The following TRIM36 variants were observed in gnomAD, a reference collection of about 807,000 sequenced individuals.
The protein encoded by TRIM36 is tripartite motif containing 36.
Under a neutral mutation model 72.4 loss-of-function variants are expected in TRIM36, and 42 were observed. The observed-to-expected ratio is 0.58, with a 90% CI of 0.45 to 0.75. The LOEUF is 0.75. TRIM36 is among the 30% of genes least tolerant of loss of function. TRIM36 has a pLI of 0.00. For missense variants in TRIM36, 913 were observed against 857.1 expected, an observed-to-expected ratio of 1.07 and a Z score of -0.81; for synonymous variants, 315 against 282.8, an observed-to-expected ratio of 1.11 and a Z score of -1.14.
chr5:115,158,912 AAG>A (rs796535547), intron 2 of TRIM36, among the ~76,000 whole-genome samples: 6 of 152,376 alleles, frequency 3.9e-5, no homozygotes, highest in African/African-American at 1.4e-4. Context: ...ATGCAGAAGA[AAG>A]AGAGAAAGAC....
At chr5:115,162,994 G>T (rs1342894332) in intron 2 of TRIM36, among the ~76,000 whole-genome samples, 4 of 143,016 alleles carry the variant, frequency 2.8e-5, no homozygotes, top group African/African-American at 1.1e-4. Flanking sequence ...TTTCACTCTT[G>T]TTGCCCAGGC....
chr5:115,129,126 T>A (rs1427234173), intron 9 of TRIM36, among the ~76,000 whole-genome samples: 1 of 152,258 alleles, frequency 6.6e-6, no homozygotes, highest in Non-Finnish European at 1.5e-5. Context: ...GACCAAAGAC[T>A]GTTCCACATA....
chr5:115,172,905 C>T (rs967503174), upstream of TRIM36, among the ~76,000 whole-genome samples: 6 of 152,198 alleles, frequency 3.9e-5, no homozygotes, highest in Admixed American at 3.9e-4. Flanking sequence ...CAAGATTTAA[C>T]TCTTCACTCA....
In TRIM36 at chr5:115,147,073, G is replaced by T; in HGVS notation, c.584C>A (p.Pro195His). The T allele has an allele frequency of 6.2e-7, 1 of 1,609,196 alleles. No individual in the cohort carries two copies. Among genetic ancestry groups the T allele is most frequent in the Non-Finnish European group, 8.5e-7 (1 of 1,176,410 alleles). Residue 195 changes from proline to histidine, a missense_variant, in exon 3 of 10, where the codon CCC becomes CAC. Transcript: ENST00000513154. ...EYVGPTTNFRPKILMCPEHET... is the reference protein window; with the variant it reads ...EYVGPTTNFRHKILMCPEHET... ...CTTAATAAAAACTTCACTTACCTTGGGTCTGAAGTTAGTAGTTGGACCAAC... is the reference window on the plus strand; with the variant it reads ...CTTAATAAAAACTTCACTTACCTTGTGTCTGAAGTTAGTAGTTGGACCAAC...
At position 115,142,440 on chromosome 5, in the gene TRIM36, T is replaced by G. The variant is rs145574209; in HGVS notation, c.736-1066A>C. On this transcript the variant is annotated intron_variant, in intron 4 of 9. Coordinates refer to ENST00000513154, the MANE Select transcript of TRIM36 (RefSeq NM_001300759.2). ...TAAATTGAAGTAAGGCTTAGTTGTATGATAGCAGCTTACATTAGAACTACA... is the reference window on the plus strand; with the variant it reads ...TAAATTGAAGTAAGGCTTAGTTGTAGGATAGCAGCTTACATTAGAACTACA... Among the ~76,000 whole-genome samples the G allele has an allele frequency of 6.6e-4, 100 of 152,324 alleles. 1 individual carries two copies. The East Asian group carries it at 8.7e-3, about 13-fold the overall frequency.
At chr5:115,154,649 C>A (rs1754077768) in intron 2 of TRIM36, among the ~76,000 whole-genome samples, 1 of 152,136 alleles carries the variant, frequency 6.6e-6, no homozygotes, top group Non-Finnish European at 1.5e-5. Context: ...GAATTAGATA[C>A]TCTGAACAGA....
chr5:115,133,778 C>T, intron 8 of TRIM36, 82 bp downstream of exon 8: 1 of 1,399,410 alleles, frequency 7.1e-7, no homozygotes, highest in Non-Finnish European at 9.6e-7. Flanking sequence ...TGCAGGTCTA[C>T]ATGGAGATAC....
chr5:115,127,661 G>A (rs575168805), intron 9 of TRIM36, among the ~76,000 whole-genome samples: 43 of 152,306 alleles, frequency 2.8e-4, no homozygotes, highest in African/African-American at 9.6e-4. Context: ...GGTGATACTG[G>A]TGTAAACAGT....
At chr5:115,132,369 C>G (rs141439879) in intron 8 of TRIM36, among the ~76,000 whole-genome samples, 3,127 of 151,726 alleles carry the variant, frequency 0.021, 102 homozygotes, top group East Asian at 0.15. Flanking sequence ...CCTGGCTCTA[C>G]TAAAAATACA....
intron 1 of TRIM36, among the ~76,000 whole-genome samples, chr5:115,179,609 T>C (rs1486668392): frequency 4.6e-5 from 7 of 152,146 alleles, no homozygotes; most frequent in African/African-American, 1.7e-4. Context: ...CCACTCGAAG[T>C]CACCACGTTT....
At position 115,137,542 on chromosome 5, in the gene TRIM36, T is replaced by C; in HGVS notation, c.906A>G (p.Lys302=). 1.2e-6 allele frequency: 2 copies of C among 1,614,114 alleles called. No individual in the cohort carries two copies. The highest frequency in any genetic ancestry group is 1.7e-6 in the Non-Finnish European group (2 of 1,180,000). Residue 302 remains lysine, a synonymous_variant, in exon 6 of 10, where the codon AAA becomes AAG. Coordinates refer to ENST00000513154, the MANE Select transcript of TRIM36 (RefSeq NM_001300759.2). Reference sequence around the variant, plus strand: ...AGTCAATTGCTTTCAAAACAGATGATTTCCTCTCTTCCAGAACTTCAAAGA... The same window carrying C: ...AGTCAATTGCTTTCAAAACAGATGACTTCCTCTCTTCCAGAACTTCAAAGA... ...EKLFEVLEER[K]SSVLKAIDSS...
chr5:115,146,137 T>C (rs2112838364), intron 3 of TRIM36, among the ~76,000 whole-genome samples: 1 of 152,338 alleles, frequency 6.6e-6, no homozygotes, highest in African/African-American at 2.4e-5. Flanking sequence ...AGGAACATAA[T>C]ACAGGATTAA....
At chr5:115,171,051 C>T (rs1755092974), upstream of TRIM36, 3 of 1,611,766 alleles carry the variant, frequency 1.9e-6, no homozygotes, top group Non-Finnish European at 1.7e-6. Flanking sequence ...AGAACAGATG[C>T]CCTAAATTGC....
rs768241637 is a variant in TRIM36, at chr5:115,147,258, A to G, written c.399T>C (p.Tyr133=). ...NFTLETIVER[Y]RQAARAATAI... ...CTGTGGCTGCCCTAGCTGCTTGACG[A>G]TATCTTTCCACAATAGTTTCCAAAG... Residue 133 remains tyrosine (Y), a synonymous_variant, in exon 3 of 10, where the codon TAT becomes TAC. Coordinates refer to ENST00000513154, the MANE Select transcript of TRIM36 (RefSeq NM_001300759.2). 6.2e-6 allele frequency: 10 copies of G among 1,614,078 alleles called. No individual in the cohort carries two copies. The Admixed American group carries it at 6.7e-5, about 11-fold the overall frequency.
intron 5 of TRIM36, among the ~76,000 whole-genome samples, chr5:115,138,102 T>C (rs554542156): frequency 5.9e-5 from 9 of 152,204 alleles, no homozygotes; most frequent in African/African-American, 1.7e-4. Flanking sequence ...TTTTAAAAAG[T>C]TGTTTTTGTT....
At chr5:115,137,642 C>T (rs773517363) in intron 5 of TRIM36, 26 bp from the exon 6 acceptor site, 10 of 1,539,282 alleles carry the variant, frequency 6.5e-6, no homozygotes, top group Non-Finnish European at 8.7e-6. Flanking sequence ...ATCTCCATTA[C>T]ACTAAGATAA....
At chr5:115,170,695 C>T (rs1177814186), upstream of TRIM36, among the ~76,000 whole-genome samples, 1 of 152,240 alleles carries the variant, frequency 6.6e-6, no homozygotes, top group Non-Finnish European at 1.5e-5. Context: ...GCGGGGACCG[C>T]CTGCAGGGTG....
chr5:115,144,207 C>T (rs1393724862), intron 4 of TRIM36, among the ~76,000 whole-genome samples: 3 of 152,020 alleles, frequency 2.0e-5, no homozygotes, highest in African/African-American at 7.2e-5. Context: ...CCAGAATGAA[C>T]AAAATAGTAA....
chr5:115,164,521 A>T (rs1456248516), intron 1 of TRIM36, among the ~76,000 whole-genome samples: 1 of 152,186 alleles, frequency 6.6e-6, no homozygotes, highest in Non-Finnish European at 1.5e-5. Flanking sequence ...GTGGCAGGTG[A>T]GAGAGAGCAA....
Sources: gnomAD v4.1 joint callset for allele counts (sites outside exome capture counted in the v4.1 genomes callset) on GRCh38, gnomAD v4.1.1 for gene constraint, MANE v1.5 for transcripts, NCBI Gene and HGNC (gene_info 2026-07-23, HGNC 2026-07-21) for gene names.